TFEC: variants seen among roughly 807,000 people sequenced by gnomAD.
TFEC encodes class E basic helix-loop-helix protein 34.
In TFEC, 31 loss-of-function variants were observed where a neutral mutation model predicts 41.6. That is an observed-to-expected ratio of 0.74 (90% CI 0.56 to 1.01). The LOEUF (loss-of-function observed/expected upper bound fraction) is 1.01. TFEC is among the 50% of genes least tolerant of loss of function. The pLI, the probability that TFEC is intolerant of heterozygous loss-of-function variation, is 0.00. For missense variants in TFEC, 402 were observed against 404.1 expected (o/e 0.99, Z 0.04); for synonymous variants, 143 against 140.6 (o/e 1.02, Z -0.12).
chr7:116,086,165 G>C (rs1349547856), intron 3 of TFEC, among the ~76,000 whole-genome samples: 2 of 151,776 alleles, frequency 1.3e-5, no homozygotes, highest in East Asian at 3.9e-4. Flanking sequence ...TCATTCTAAT[G>C]ATTTCCCTCA....
intron 1 of TFEC, among the ~76,000 whole-genome samples, chr7:116,015,223 C>T (rs1022573319): frequency 1.3e-5 from 2 of 151,808 alleles, no homozygotes; most frequent in Non-Finnish European, 2.9e-5. Context: ...ATGCTGGTGC[C>T]ATGGTATTTC....
chr7:115,958,870 G>A (rs1792378375), intron 3 of TFEC, among the ~76,000 whole-genome samples: 1 of 151,710 alleles, frequency 6.6e-6, no homozygotes, highest in Non-Finnish European at 1.5e-5. Context: ...AAACAATTGA[G>A]TTCAGTTTCA....
At chr7:115,950,175 C>A (rs893145467) in intron 6 of TFEC, among the ~76,000 whole-genome samples, 1 of 151,952 alleles carries the variant, frequency 6.6e-6, no homozygotes, top group Admixed American at 6.6e-5. Flanking sequence ...CCACACCTGG[C>A]TAACTTTTGT....
At chr7:116,159,382 ATAAT>A (rs1166789539) in intron 1 of TFEC, among the ~76,000 whole-genome samples, 4 of 152,066 alleles carry the variant, frequency 2.6e-5, no homozygotes, top group Non-Finnish European at 2.9e-5. Flanking sequence ...ATTATATATA[ATAAT>A]TATATTTTCA....
rs990591979 is a variant in TFEC, at chr7:115,938,327, T to G, written c.*2224A>C. ...GTTTTCTATGAACTCCAAAATATAT[T>G]CCTTATCTATAATTTTTAACATTTA... On this transcript the variant is annotated 3_prime_UTR_variant, in exon 8 of 8. Transcript: ENST00000265440. 6.6e-6 allele frequency: 1 copy of G among 151,950 alleles called. No homozygotes were observed. The highest frequency in any genetic ancestry group is 6.6e-5 in the Admixed American group (1 of 15,218). 9.4% of individuals were successfully genotyped at this position (151,950 alleles called of 1,614,324 possible).
intron 3 of TFEC, among the ~76,000 whole-genome samples, chr7:115,962,910 G>T (rs1792636666): frequency 6.6e-6 from 1 of 151,882 alleles, no homozygotes; most frequent in African/African-American, 2.4e-5. Flanking sequence ...CGTGCAGGTT[G>T]TTACATAGGT....
intron 3 of TFEC, among the ~76,000 whole-genome samples, chr7:116,046,029 C>T (rs962751989): frequency 3.3e-5 from 5 of 152,176 alleles, no homozygotes; most frequent in African/African-American, 1.2e-4. Context: ...CTATATTTAC[C>T]TAATACCTGT....
chr7:116,086,924 A>C (rs1462203250), intron 3 of TFEC, among the ~76,000 whole-genome samples: 2 of 152,074 alleles, frequency 1.3e-5, no homozygotes, highest in Non-Finnish European at 2.9e-5. Context: ...TGGATGTGAT[A>C]GTTCTAAATC....
rs1793174162 is a variant in TFEC at position 115,935,276 on chromosome 7, GAC to G, written c.*5273_*5274del. ...AGTTCTCCATTTTCTTAGAAAATAA[GAC>G]ACATTACTTTGTTATTAAAAATGAA... On this transcript the variant is annotated 3_prime_UTR_variant, in exon 8 of 8. Transcript: ENST00000265440. The G allele has an allele frequency of 6.6e-6, 1 of 151,974 alleles. No individual in the cohort carries two copies. The highest frequency in any genetic ancestry group is 1.5e-5 in the Non-Finnish European group (1 of 67,646). 9.4% of individuals were successfully genotyped at this position (151,974 alleles called of 1,614,324 possible).
At chr7:115,951,755 T>A (rs1306830014) in intron 5 of TFEC, among the ~76,000 whole-genome samples, 5 of 152,032 alleles carry the variant, frequency 3.3e-5, no homozygotes, top group African/African-American at 1.2e-4. Flanking sequence ...TGATATAAGC[T>A]CTTATTCAGA....
chr7:115,957,804 C>A lies in TFEC; in HGVS notation c.268-1011G>T, dbSNP rs1165093229. On this transcript the variant is annotated intron_variant, in intron 3 of 7. Transcript: ENST00000265440. ...CTTCATGAAGAATCTAACTTCACAA[C>A]CCACTTTTTGCAAAACTCCAATTCA... Among the ~76,000 whole-genome samples the A allele has an allele frequency of 2.6e-5, 4 of 151,846 alleles. No homozygotes were observed. In the East Asian group the frequency reaches 7.8e-4, roughly 30 times the overall value.
At chr7:116,026,828 T>A (rs1795602370) in intron 1 of TFEC, among the ~76,000 whole-genome samples, 1 of 152,168 alleles carries the variant, frequency 6.6e-6, no homozygotes, top group Non-Finnish European at 1.5e-5. Flanking sequence ...AAAGAGCAGA[T>A]CATCCATCAC....
chr7:115,950,979 C>G (rs774707508), intron 5 of TFEC, 30 bp from the exon 6 acceptor site: 1 of 1,377,450 alleles, frequency 7.3e-7, no homozygotes, highest in Non-Finnish European at 1.0e-6. Context: ...ATTGATTATT[C>G]TCATTAATGC....
intron 2 of TFEC, 134 bp downstream of exon 2, chr7:115,984,128 A>G: frequency 8.9e-7 from 1 of 1,119,140 alleles, no homozygotes; most frequent in Non-Finnish European, 1.2e-6. Context: ...AATAGAGAAT[A>G]ATTAATTAAA....
chr7:116,007,049 T>C, intron 1 of TFEC, among the ~76,000 whole-genome samples: 1 of 152,204 alleles, frequency 6.6e-6, no homozygotes. Context: ...TTCCCAGTGT[T>C]GGGTGTGTAA....
At chr7:116,109,273 AG>A (rs1294327635) in intron 3 of TFEC, among the ~76,000 whole-genome samples, 2 of 152,226 alleles carry the variant, frequency 1.3e-5, no homozygotes, top group African/African-American at 4.8e-5. Flanking sequence ...AACTACCATC[AG>A]AGTAAACAGG....
At chr7:115,945,498 C>T (rs1329064815) in intron 6 of TFEC, among the ~76,000 whole-genome samples, 1 of 151,478 alleles carries the variant, frequency 6.6e-6, no homozygotes, top group Non-Finnish European at 1.5e-5. Context: ...CCACAGCAAG[C>T]CAAGGAATAA....
rs1324464840 is a variant in TFEC at position 116,001,510 on chromosome 7, C to A, written c.-72-16997G>T. ...ACTCAGTCTCAGGAAAAAAAAAAAA[C>A]AACCAACAAACAAAAAAAACACAAA... On this transcript the variant is annotated intron_variant, in intron 1 of 7. Transcript: ENST00000265440. 6.1e-5 allele frequency among the ~76,000 whole-genome samples: 9 copies of A among 148,460 alleles called. No individual in the cohort carries two copies. In the South Asian group the frequency reaches 6.4e-4, roughly 11 times the overall value.
chr7:116,033,710 A>T (rs1265898128), upstream of TFEC, among the ~76,000 whole-genome samples: 1 of 152,040 alleles, frequency 6.6e-6, no homozygotes, highest in East Asian at 1.9e-4. Context: ...CCCTCCTCTC[A>T]CCTGTAATCT....
Sources: allele counts gnomAD v4.1 joint callset (sites outside exome capture counted in the v4.1 genomes callset), GRCh38; gene constraint gnomAD v4.1.1; transcripts MANE v1.5; gene names NCBI Gene and HGNC (gene_info 2026-07-23, HGNC 2026-07-21).